The following PDE10A variants were observed in gnomAD, a reference collection of about 807,000 sequenced individuals.
The protein encoded by PDE10A is cAMP and cAMP-inhibited cGMP 3',5'-cyclic phosphodiesterase 10A.
In PDE10A, 39 loss-of-function variants were observed where a neutral mutation model predicts 97.7. The observed-to-expected ratio is 0.40, with a 90% CI of 0.31 to 0.52. The LOEUF is 0.52. Among genes scored for constraint, PDE10A ranks in the 20% least tolerant of loss-of-function variants. The pLI is 0.56. For synonymous variants in PDE10A, 371 were observed against 376.8 expected, an observed-to-expected ratio of 0.98 and a Z score of 0.18; for missense variants, 731 against 1,047.8, an observed-to-expected ratio of 0.70 and a Z score of 4.17.
chr6:165,531,049 C>T (rs1417264801), intron 2 of PDE10A, among the ~76,000 whole-genome samples: 1 of 151,984 alleles, frequency 6.6e-6, no homozygotes, highest in Non-Finnish European at 1.5e-5. Flanking sequence ...TCCATCACTT[C>T]CTTCCTCTCC....
At chr6:165,560,776 T>G (rs1373119707) in intron 1 of PDE10A, among the ~76,000 whole-genome samples, 1 of 152,126 alleles carries the variant, frequency 6.6e-6, no homozygotes, top group Non-Finnish European at 1.5e-5. Context: ...GTCTATGCTT[T>G]TGTAAATCTC....
intron 2 of PDE10A, among the ~76,000 whole-genome samples, chr6:165,496,143 C>A (rs764660746): frequency 5.9e-5 from 9 of 151,964 alleles, no homozygotes; most frequent in Non-Finnish European, 8.8e-5. Context: ...GCAGAGGGAT[C>A]AGCCTGCATA....
At chr6:165,430,200 T>C (rs372978018) in intron 9 of PDE10A, 87 bp downstream of exon 9, 12 of 862,964 alleles carry the variant, frequency 1.4e-5, no homozygotes, top group East Asian at 7.3e-5. Flanking sequence ...TCAGCTGCAA[T>C]AGACAATGGT....
chr6:165,511,924 T>C (rs1210899715), intron 2 of PDE10A, among the ~76,000 whole-genome samples: 1 of 152,068 alleles, frequency 6.6e-6, no homozygotes, highest in Non-Finnish European at 1.5e-5. Context: ...GTGAAGTGCA[T>C]TTCTTACAGG....
chr6:165,684,788 A>G (rs570429434), intron 1 of PDE10A, among the ~76,000 whole-genome samples: 2 of 152,370 alleles, frequency 1.3e-5, no homozygotes, highest in East Asian at 3.9e-4. Context: ...GAAAATTACA[A>G]TGAAAGTTCC....
At chr6:165,391,909 C>A (rs1785748217) in intron 16 of PDE10A, among the ~76,000 whole-genome samples, 2 of 152,096 alleles carry the variant, frequency 1.3e-5, no homozygotes, top group Non-Finnish European at 1.5e-5. Context: ...TCATAGGTCC[C>A]CTAAAAGATG....
intron 2 of PDE10A, among the ~76,000 whole-genome samples, chr6:165,517,732 C>A (rs936430675): frequency 6.6e-6 from 1 of 152,096 alleles, no homozygotes; most frequent in Non-Finnish European, 1.5e-5. Context: ...GAATGGAGGG[C>A]AGGATTATAA....
rs539395541 is a variant in PDE10A at position 165,347,907 on chromosome 6, C to A, written c.2784-4405G>T. On this transcript the variant is annotated intron_variant, in intron 18 of 21. Coordinates refer to ENST00000539869, the MANE Select transcript of PDE10A (RefSeq NM_001385079.1). ...ATTTGTTGTTCTTCAAAGCACACAG[C>A]AATAGCTATGTAAAAATATAGAACT... Among the ~76,000 whole-genome samples the A allele has an allele frequency of 1.8e-4, 27 of 152,286 alleles. No individual in the cohort carries two copies. The South Asian group carries it at 5.2e-3, about 29-fold the overall frequency.
chr6:165,922,741 C>T (rs1204562573), intron 1 of PDE10A, among the ~76,000 whole-genome samples: 4 of 152,196 alleles, frequency 2.6e-5, no homozygotes, highest in Admixed American at 2.6e-4. Context: ...AAGAAAAGTG[C>T]CCCGTGGGTA....
Position 165,406,752 on chromosome 6 carries a change from T to C in PDE10A, c.2076+6749A>G, listed in dbSNP as rs147130451. ...TGCACTGAGTAGGGAAGACCTGCCC[T>C]TATCCAATGCAGTAGGGCACCATGC... On this transcript the variant is annotated intron_variant, in intron 13 of 21. Transcript: ENST00000539869. Among the ~76,000 whole-genome samples the C allele has an allele frequency of 1.4e-4, 21 of 152,234 alleles. No individual in the cohort carries two copies. In the East Asian group the frequency reaches 3.9e-3, roughly 28 times the overall value.
At chr6:165,534,213 C>T (rs976257221) in intron 2 of PDE10A, among the ~76,000 whole-genome samples, 1 of 150,526 alleles carries the variant, frequency 6.6e-6, no homozygotes, top group Non-Finnish European at 1.5e-5. Flanking sequence ...AATTCCTAGA[C>T]ACACATAACC....
At chr6:165,393,710 T>C (rs767937952) in intron 15 of PDE10A, among the ~76,000 whole-genome samples, 2 of 152,096 alleles carry the variant, frequency 1.3e-5, no homozygotes, top group Non-Finnish European at 2.9e-5. Context: ...AAGTCACAGA[T>C]AGAAAATACA....
At chr6:165,610,774 C>T (rs993851909) in intron 1 of PDE10A, among the ~76,000 whole-genome samples, 1 of 152,120 alleles carries the variant, frequency 6.6e-6, no homozygotes, top group Non-Finnish European at 1.5e-5. Context: ...ATAAGTTCCA[C>T]CTTTATGTAT....
In PDE10A at chr6:165,943,223, GAA is replaced by G. The variant is rs1405956272; in HGVS notation, c.-615+44304_-615+44305del. Reference sequence around the variant, plus strand: ...AGAAAGAAAGAAAGAAAGAAAGAAAGAAAGAAAGAAAGAAGGAAGGAAGGAAG... The same window carrying G: ...AGAAAGAAAGAAAGAAAGAAAGAAAGAGAAAGAAAGAAGGAAGGAAGGAAG... On this transcript the variant is annotated intron_variant, in intron 1 of 19. Coordinates refer to the PDE10A transcript ENST00000366882. 1.6e-3 allele frequency among the ~76,000 whole-genome samples: 101 copies of G among 64,578 alleles called. 7 individuals carry two copies. The highest frequency in any genetic ancestry group is 5.8e-3 in the African/African-American group (83 of 14,328). 42.4% of individuals were successfully genotyped at this position (64,578 alleles called of 152,430 possible).
intron 1 of PDE10A, among the ~76,000 whole-genome samples, chr6:165,634,693 A>C (rs939888231): frequency 6.6e-6 from 1 of 152,220 alleles, no homozygotes; most frequent in Admixed American, 6.5e-5. Context: ...TTTGACTGTA[A>C]ACTGACAAGG....
At chr6:165,399,173 G>A (rs1786426748) in intron 13 of PDE10A, among the ~76,000 whole-genome samples, 1 of 152,140 alleles carries the variant, frequency 6.6e-6, no homozygotes, top group Admixed American at 6.6e-5. Flanking sequence ...TGGTATACAT[G>A]AAGCAAACAA....
chr6:165,418,643 T>C lies in PDE10A; in HGVS notation c.1788A>G (p.Lys596=), dbSNP rs142222153. 103 of 1,612,612 alleles carry C rather than the reference T, an allele frequency of 6.4e-5. 1 individual carries two copies. In the Middle Eastern group the frequency reaches 1.6e-3, roughly 26 times the overall value. Residue 596 remains lysine (K), a synonymous_variant, in exon 11 of 22, where the codon AAA becomes AAG. Coordinates refer to ENST00000539869, the MANE Select transcript of PDE10A (RefSeq NM_001385079.1). This position sits in a 1 kb window ranked among gnomAD's most constrained non-coding sequence, Gnocchi z 4.8. Reference sequence around the variant, plus strand: ...TCTACTTCTAGCTGTACCTTATCTCTTTGGTCTTCTTGAAGACAGGTTTTC... The same window carrying C: ...TCTACTTCTAGCTGTACCTTATCTCCTTGGTCTTCTTGAAGACAGGTTTTC... ...KEGKPVFKKT[K]EIRFSIEKGI... is the part of the protein sequence containing the mutation.
intron 1 of PDE10A, among the ~76,000 whole-genome samples, chr6:165,745,396 T>C (rs1792821098): frequency 6.6e-6 from 1 of 152,226 alleles, no homozygotes; most frequent in Non-Finnish European, 1.5e-5. Flanking sequence ...CTTTTAGCTT[T>C]TACTTAATAA....
chr6:165,894,139 C>A (rs1452857483), intron 1 of PDE10A: 2 of 359,774 alleles, frequency 5.6e-6, no homozygotes, highest in Non-Finnish European at 1.1e-5. Context: ...TATGGCTTGA[C>A]TGGGTGTTTG....
Sources: gnomAD v4.1 joint callset for allele counts (sites outside exome capture counted in the v4.1 genomes callset) on GRCh38, gnomAD v4.1.1 for gene constraint, Gnocchi (gnomAD v3.1) non-coding constraint, MANE v1.5 for transcripts, NCBI Gene and HGNC (gene_info 2026-07-23, HGNC 2026-07-21) for gene names.